Variants in PAPPA observed in about 807,000 individuals in gnomAD.
PAPPA encodes the protein pappalysin-1.
Under a neutral mutation model 164.0 loss-of-function variants are expected in PAPPA, and 60 were observed. The observed-to-expected ratio is 0.37, with a 90% CI of 0.30 to 0.45. PAPPA has a LOEUF of 0.45. Among genes scored for constraint, PAPPA ranks in the 20% least tolerant of loss-of-function variants. The pLI is 1.00. For missense variants in PAPPA, 1,782 were observed against 2,087.3 expected, an observed-to-expected ratio of 0.85 and a Z score of 2.85; for synonymous variants, 875 against 814.1, an observed-to-expected ratio of 1.07 and a Z score of -1.27.
chr9:116,328,337 A>G (rs1845946396), intron 10 of PAPPA, among the ~76,000 whole-genome samples: 1 of 152,238 alleles, frequency 6.6e-6, no homozygotes, highest in Non-Finnish European at 1.5e-5. Flanking sequence ...ACCCGGTCCC[A>G]GTTGTTTTTG....
At chr9:116,319,900 G>C (rs954195949) in intron 10 of PAPPA, among the ~76,000 whole-genome samples, 1 of 152,196 alleles carries the variant, frequency 6.6e-6, no homozygotes, top group African/African-American at 2.4e-5. Context: ...TGATGGCAAA[G>C]AAAACATGTT....
rs1194531028 is a variant in PAPPA at position 116,377,597 on chromosome 9, C to T, written c.4627C>T (p.Leu1543Phe). 1 of 1,613,830 alleles carries T rather than the reference C, an allele frequency of 6.2e-7. No homozygotes were observed. Among genetic ancestry groups the T allele is most frequent in the Admixed American group, 1.7e-5 (1 of 60,016 alleles). ...RVERVVCTAG[L>F]KWYPHPALIH... The stretch of plus-strand genomic sequence containing the variant: ...ACAGAGAGTTGTCTGCACTGCTGGT[C>T]TCAAGTGGTATCCTCACCCTGCTCT... Residue 1543 changes from leucine (L) to phenylalanine (F), a missense_variant, in exon 20 of 22, where the codon CTC (leucine) becomes TTC (phenylalanine). Leu to Phe is a conservative substitution (Grantham distance 22, BLOSUM62 0). This residue lies in a region of PAPPA where 1,324 missense variants were observed against 1,656.9 expected (regional missense o/e 0.80). Coordinates refer to ENST00000328252, the MANE Select transcript of PAPPA (RefSeq NM_002581.5).
chr9:116,226,483 G>A (rs541666949), intron 5 of PAPPA, among the ~76,000 whole-genome samples: 1 of 152,344 alleles, frequency 6.6e-6, no homozygotes, highest in Non-Finnish European at 1.5e-5. Flanking sequence ...AATGATGAAA[G>A]AGTTATCATC....
At chr9:116,289,531 A>G (rs1339560510) in intron 9 of PAPPA, among the ~76,000 whole-genome samples, 1 of 151,806 alleles carries the variant, frequency 6.6e-6, no homozygotes, top group Non-Finnish European at 1.5e-5. Context: ...CAATATTTGT[A>G]TAATAAGCCT....
chr9:116,211,967 G>C, intron 4 of PAPPA, 35 bp downstream of exon 4: 2 of 1,580,814 alleles, frequency 1.3e-6, no homozygotes, highest in Non-Finnish European at 1.7e-6. Context: ...GAACAGGTCT[G>C]GATGTCAGAT....
At chr9:116,382,047 C>T (rs1235432149) in intron 20 of PAPPA, among the ~76,000 whole-genome samples, 1 of 152,148 alleles carries the variant, frequency 6.6e-6, no homozygotes, top group Non-Finnish European at 1.5e-5. Flanking sequence ...CTTACATTTC[C>T]TGGTCATTTC....
In PAPPA at chr9:116,352,949, T is replaced by C; in HGVS notation, c.4175+33T>C. 3 of 1,541,564 alleles carry C rather than the reference T, an allele frequency of 1.9e-6. No homozygotes were observed. In the South Asian group the frequency reaches 3.4e-5, roughly 18 times the overall value. ...GGGTTGGAAATGCAAACTTATGGTC[T>C]CTGGGAGGACAAGAGTTAGGTTCAA... On this transcript the variant is annotated intron_variant, in intron 16 of 21. Transcript: ENST00000328252.
chr9:116,303,464 T>TA (rs1845604813), intron 10 of PAPPA, among the ~76,000 whole-genome samples: 1 of 152,138 alleles, frequency 6.6e-6, no homozygotes, highest in Non-Finnish European at 1.5e-5. Flanking sequence ...CATGCCTCAG[T>TA]CCCCTAATGC....
intron 2 of PAPPA, among the ~76,000 whole-genome samples, chr9:116,199,957 A>G (rs1844152956): frequency 6.6e-6 from 1 of 152,148 alleles, no homozygotes; most frequent in Admixed American, 6.5e-5. Flanking sequence ...GTAAGAACTC[A>G]CTACCATGAG....
chr9:116,326,334 C>A (rs909786705), intron 10 of PAPPA, among the ~76,000 whole-genome samples: 3 of 152,090 alleles, frequency 2.0e-5, no homozygotes, highest in Non-Finnish European at 4.4e-5. Flanking sequence ...TGTCCCAGGA[C>A]AACAAAGCTG....
At position 116,376,021 on chromosome 9, in the gene PAPPA, ATTTT is replaced by A. The variant is rs34549794; in HGVS notation, c.4606-1540_4606-1537del. On this transcript the variant is annotated intron_variant, in intron 19 of 21. Transcript: ENST00000328252. ...GAGAATAGAAAAGGGAACTTCCAGG[ATTTT>A]TTTTTTTTTTTTTTGAGACGGAGTC... Among the ~76,000 whole-genome samples the A allele has an allele frequency of 2.2e-5, 3 of 135,692 alleles. No individual in the cohort carries two copies. The South Asian group carries it at 7.1e-4, about 32-fold the overall frequency. The allele number at this position is 135,692 out of a possible 152,430, so 89.0% of individuals were successfully genotyped here. A position where few individuals can be genotyped will look rare whatever the true frequency, so the allele number is the denominator to read the frequency against.
chr9:116,154,177 G>A lies in PAPPA; in HGVS notation c.5G>A (p.Arg2Gln). M[R>Q]LWSWVLHLGL... ...GGGCGGGGGGAACCGTCGGACATGC[G>A]GCTCTGGAGTTGGGTGCTGCACCTG... is the stretch of plus-strand genomic sequence containing the variant. The change falls in exon 1 of 22, where the codon CGG becomes CAG. Residue 2 changes from arginine to glutamine, a missense_variant. Arg to Gln is a conservative substitution (Grantham distance 43). This residue lies in a region of PAPPA where 458 missense variants were observed against 430.3 expected (regional missense o/e 1.06). Coordinates refer to ENST00000328252, the MANE Select transcript of PAPPA (RefSeq NM_002581.5). The surrounding 1 kb of genome is among the most constrained non-coding windows in gnomAD (Gnocchi z 5.2). The A allele has an allele frequency of 2.7e-6, 4 of 1,485,630 alleles. No individual in the cohort carries two copies. Among genetic ancestry groups the A allele is most frequent in the Non-Finnish European group, 3.6e-6 (4 of 1,118,256 alleles). The allele number at this position is 1,485,630 out of a possible 1,614,324, so 92.0% of individuals were successfully genotyped here. A position where few individuals can be genotyped will look rare whatever the true frequency, so the allele number is the denominator to read the frequency against.
intron 9 of PAPPA, among the ~76,000 whole-genome samples, chr9:116,292,974 G>T (rs1845455522): frequency 6.6e-6 from 1 of 152,122 alleles, no homozygotes; most frequent in Admixed American, 6.6e-5. Flanking sequence ...AAGACAGGAG[G>T]GGGCTACTTC....
chr9:116,372,809 G>T (rs1231039073), intron 19 of PAPPA, among the ~76,000 whole-genome samples: 1 of 152,102 alleles, frequency 6.6e-6, no homozygotes, highest in Non-Finnish European at 1.5e-5. Flanking sequence ...GACATGGTTT[G>T]CTAGGCAATT....
intron 1 of PAPPA, among the ~76,000 whole-genome samples, chr9:116,173,101 G>A (rs1159575474): frequency 1.3e-5 from 2 of 152,178 alleles, no homozygotes; most frequent in Non-Finnish European, 2.9e-5. Context: ...AGGTCAGCTA[G>A]AGACCAGGAT....
At chr9:116,290,827 A>T (rs1266074717) in intron 9 of PAPPA, among the ~76,000 whole-genome samples, 1 of 149,788 alleles carries the variant, frequency 6.7e-6, no homozygotes, top group East Asian at 2.0e-4. Flanking sequence ...CATGTTTTGG[A>T]TTTTTTTTTC....
Position 116,362,660 on chromosome 9 carries a change from G to T in PAPPA, c.4416G>T (p.Gln1472His), listed in dbSNP as rs751904744. 12 of 1,614,150 alleles carry T rather than the reference G, an allele frequency of 7.4e-6. No homozygotes were observed. Among genetic ancestry groups the T allele is most frequent in the Non-Finnish European group, 1.0e-5 (12 of 1,179,996 alleles). The change falls in exon 18 of 22, where the codon CAG becomes CAT. Residue 1472 changes from glutamine to histidine, a missense_variant. Transcript: ENST00000328252. ...GTWNGSFHVC[Q>H]EMQGQCSVPN... ...GGAACGGCTCCTTCCATGTCTGCCA[G>T]GAGATGCAAGGCCAGTGCTCGGTTC... is the stretch of plus-strand genomic sequence containing the variant.
intron 9 of PAPPA, among the ~76,000 whole-genome samples, chr9:116,297,655 G>A (rs1167979537): frequency 6.6e-6 from 1 of 151,938 alleles, no homozygotes; most frequent in African/African-American, 2.4e-5. Flanking sequence ...TCTTTTGTTT[G>A]TTTACTTGCT....
Position 116,154,644 on chromosome 9 carries a change from G to T in PAPPA, c.415+57G>T. On this transcript the variant is annotated intron_variant, in intron 1 of 21. Transcript: ENST00000328252. The surrounding 1 kb of genome is among the most constrained non-coding windows in gnomAD (Gnocchi z 5.2). ...CGTCCCTGCGGCCCCAGAGGCTCGC[G>T]GGTGTCTGGGCGCGGGTGGCGGGCG... 1 of 1,270,608 alleles carries T rather than the reference G, an allele frequency of 7.9e-7. No homozygotes were observed. 78.7% of individuals were successfully genotyped at this position (1,270,608 alleles called of 1,614,324 possible). A position where few individuals can be genotyped will look rare whatever the true frequency, so the allele number is the denominator to read the frequency against.
Sources: allele counts gnomAD v4.1 joint callset (sites outside exome capture counted in the v4.1 genomes callset), GRCh38; gene constraint gnomAD v4.1.1; regional missense constraint gnomAD v4.1.1; non-coding constraint Gnocchi (gnomAD v3.1); transcripts MANE v1.5; gene names NCBI Gene and HGNC (gene_info 2026-07-23, HGNC 2026-07-21).